RCHY1: variants seen among roughly 807,000 people sequenced by gnomAD.
The protein encoded by RCHY1 is RING finger and CHY zinc finger domain-containing protein 1.
RCHY1 carries 21 observed loss-of-function variants against 41.6 expected under a neutral mutation model. That is an observed-to-expected ratio of 0.51 (90% CI 0.36 to 0.73). The LOEUF (loss-of-function observed/expected upper bound fraction) is 0.73, where lower values mean the gene tolerates loss of function less well. RCHY1 is among the 30% of genes least tolerant of loss of function. The pLI, the probability that RCHY1 is intolerant of heterozygous loss-of-function variation, is 0.00. For missense variants in RCHY1, 265 were observed against 325.3 expected, an observed-to-expected ratio of 0.81 and a Z score of 1.43; for synonymous variants, 79 against 102.9, an observed-to-expected ratio of 0.77 and a Z score of 1.41.
chr4:75,482,161 A>G lies in RCHY1; in HGVS notation c.*377T>C, dbSNP rs1560507990. 6.5e-6 allele frequency: 1 copy of G among 153,986 alleles called. No homozygotes were observed. Among genetic ancestry groups the G allele is most frequent in the Non-Finnish European group, 1.4e-5 (1 of 69,308 alleles). The allele number at this position is 153,986 out of a possible 1,614,324, so 9.5% of individuals were successfully genotyped here. ...CAGCCCTTAAAAAGTCAAGACTACT[A>G]CTGAAAATTAAGTGCAGTTCTATCA... is the stretch of plus-strand genomic sequence containing the variant. On this transcript the variant is annotated 3_prime_UTR_variant, in exon 9 of 9. Coordinates refer to ENST00000324439, the MANE Select transcript of RCHY1 (RefSeq NM_015436.4).
At chr4:75,501,040 G>A (rs892275357) in intron 3 of RCHY1, among the ~76,000 whole-genome samples, 30 of 151,932 alleles carry the variant, frequency 2.0e-4, no homozygotes, top group African/African-American at 7.2e-4. Context: ...ACAGAGTTTT[G>A]CTCTTGTTGC....
intron 1 of RCHY1, among the ~76,000 whole-genome samples, chr4:75,510,890 T>C (rs867979323): frequency 6.6e-5 from 10 of 152,178 alleles, no homozygotes; most frequent in Middle Eastern, 3.2e-3. Flanking sequence ...ATTCAAACAG[T>C]TGTGGCTGAA....
At chr4:75,488,172 G>C (rs1039227085) in intron 8 of RCHY1, among the ~76,000 whole-genome samples, 2 of 151,740 alleles carry the variant, frequency 1.3e-5, no homozygotes, top group African/African-American at 4.8e-5. Context: ...AATTATATGA[G>C]ATTCTAAAAT....
At chr4:75,494,214 A>AT in intron 3 of RCHY1, 35 bp from the exon 4 acceptor site, 2 of 1,364,968 alleles carry the variant, frequency 1.5e-6, no homozygotes, top group East Asian at 2.4e-5. Flanking sequence ...AGATTAGATT[A>AT]TTTTTTACTA....
rs919560700 is a variant in RCHY1 at position 75,482,252 on chromosome 4, T to C, written c.*286A>G. 1 of 205,506 alleles carries C rather than the reference T, an allele frequency of 4.9e-6. No homozygotes were observed. Among genetic ancestry groups the C allele is most frequent in the Non-Finnish European group, 9.7e-6 (1 of 103,516 alleles). 12.7% of individuals were successfully genotyped at this position (205,506 alleles called of 1,614,324 possible). A position where few individuals can be genotyped will look rare whatever the true frequency, so the allele number is the denominator to read the frequency against. The stretch of plus-strand genomic sequence containing the variant: ...AAAGCTTCATGAAAATATAATACAC[T>C]TCTATGAATGTATCAGTGGCAAACA... On this transcript the variant is annotated 3_prime_UTR_variant, in exon 9 of 9. Coordinates refer to ENST00000324439, the MANE Select transcript of RCHY1 (RefSeq NM_015436.4).
At chr4:75,482,703 CT>C in intron 8 of RCHY1, 37 bp from the exon 9 acceptor site, 1 of 1,477,546 alleles carries the variant, frequency 6.8e-7, no homozygotes, top group Non-Finnish European at 9.3e-7. Flanking sequence ...TATTTTAAAC[CT>C]TATAAATACA....
chr4:75,501,484 T>G (rs1411122900), intron 3 of RCHY1, among the ~76,000 whole-genome samples: 1 of 152,196 alleles, frequency 6.6e-6, no homozygotes, highest in Admixed American at 6.5e-5. Flanking sequence ...GTATGCCATA[T>G]GCACTCATTA....
chr4:75,508,777 A>T, intron 3 of RCHY1, 43 bp downstream of exon 3: 1 of 1,107,432 alleles, frequency 9.0e-7, no homozygotes, highest in Non-Finnish European at 1.3e-6. Context: ...ATTATTGCAT[A>T]TACATTAGAA....
At chr4:75,507,143 C>T (rs989668661) in intron 3 of RCHY1, among the ~76,000 whole-genome samples, 1 of 151,964 alleles carries the variant, frequency 6.6e-6, no homozygotes, top group East Asian at 1.9e-4. Context: ...AAAGACAATT[C>T]TTTAAGCAGA....
chr4:75,511,489 T>C (rs1724872970), intron 1 of RCHY1, among the ~76,000 whole-genome samples: 1 of 152,134 alleles, frequency 6.6e-6, no homozygotes, highest in Non-Finnish European at 1.5e-5. Flanking sequence ...AAAATGCTGT[T>C]CCATGAAAAA....
intron 3 of RCHY1, among the ~76,000 whole-genome samples, chr4:75,506,689 G>C (rs1490756301): frequency 6.6e-6 from 1 of 151,278 alleles, no homozygotes. Flanking sequence ...ATGGGATGGA[G>C]TCTCAGAAGA....
At chr4:75,502,014 G>A (rs752910850) in intron 3 of RCHY1, among the ~76,000 whole-genome samples, 1 of 151,982 alleles carries the variant, frequency 6.6e-6, no homozygotes, top group Non-Finnish European at 1.5e-5. Context: ...AGAGGTTGCG[G>A]TGAGCCAAGA....
chr4:75,496,514 C>A (rs1363729943), intron 3 of RCHY1, among the ~76,000 whole-genome samples: 2 of 152,098 alleles, frequency 1.3e-5, no homozygotes. Context: ...AGGGAAACAA[C>A]CTTCTAAAGA....
chr4:75,486,707 T>G (rs547663027), intron 8 of RCHY1, among the ~76,000 whole-genome samples: 1 of 152,196 alleles, frequency 6.6e-6, no homozygotes, highest in South Asian at 2.1e-4. Flanking sequence ...TGCAAAGGCA[T>G]GTATTTAAAA....
intron 1 of RCHY1, 122 bp downstream of exon 1, chr4:75,514,075 G>T: frequency 6.9e-7 from 1 of 1,458,306 alleles, no homozygotes; most frequent in Non-Finnish European, 9.2e-7. Context: ...AGTTCCAGGT[G>T]GAAAAGGTAT....
chr4:75,497,188 G>GTT (rs1723289637), intron 3 of RCHY1, among the ~76,000 whole-genome samples: 1 of 152,182 alleles, frequency 6.6e-6, no homozygotes, highest in African/African-American at 2.4e-5. Flanking sequence ...GACAGAGCAT[G>GTT]AGTAAGCTGT....
At chr4:75,512,263 T>C (rs984803603) in intron 1 of RCHY1, among the ~76,000 whole-genome samples, 10 of 152,218 alleles carry the variant, frequency 6.6e-5, no homozygotes, top group African/African-American at 1.9e-4. Context: ...CCTCTGGCTT[T>C]AAAACTCTAA....
chr4:75,508,249 C>T (rs932616528), intron 3 of RCHY1, among the ~76,000 whole-genome samples: 1 of 152,082 alleles, frequency 6.6e-6, no homozygotes, highest in African/African-American at 2.4e-5. Context: ...GGCTTATTCA[C>T]TGTACTGTAC....
chr4:75,494,806 C>T (rs1723037296), intron 3 of RCHY1, among the ~76,000 whole-genome samples: 1 of 151,968 alleles, frequency 6.6e-6, no homozygotes, highest in Admixed American at 6.6e-5. Flanking sequence ...TATACTTCCA[C>T]CAACACTGCA....
Sources: gnomAD v4.1 joint callset for allele counts (sites outside exome capture counted in the v4.1 genomes callset) on GRCh38, gnomAD v4.1.1 for gene constraint, MANE v1.5 for transcripts, NCBI Gene and HGNC (gene_info 2026-07-23, HGNC 2026-07-21) for gene names.